Variants in ROBO1 observed in about 807,000 individuals in gnomAD.
The protein encoded by ROBO1 is roundabout homolog 1.
Under a neutral mutation model 195.9 loss-of-function variants are expected in ROBO1, and 149 were observed. That is an observed-to-expected ratio of 0.76 (90% CI 0.67 to 0.87). The LOEUF (loss-of-function observed/expected upper bound fraction) is 0.87, where lower values mean the gene tolerates loss of function less well. Among genes scored for constraint, ROBO1 ranks in the 40% least tolerant of loss-of-function variants. ROBO1 has a pLI of 0.00. For synonymous variants in ROBO1, 816 were observed against 733.2 expected (o/e 1.11, Z -1.82); for missense variants, 1,933 against 2,068.3 (o/e 0.93, Z 1.27).
At chr3:79,595,818 G>C (rs998615723) in intron 1 of ROBO1, among the ~76,000 whole-genome samples, 2 of 151,346 alleles carry the variant, frequency 1.3e-5, no homozygotes, top group Non-Finnish European at 2.9e-5. Flanking sequence ...CTCTGGAAGT[G>C]TTGGGATTAC....
At chr3:78,691,614 T>C (rs933211459) in intron 8 of ROBO1, among the ~76,000 whole-genome samples, 1 of 152,164 alleles carries the variant, frequency 6.6e-6, no homozygotes, top group Non-Finnish European at 1.5e-5. Context: ...GCTGTAGAGT[T>C]ACAGGGTCTG....
chr3:79,481,241 CCTTT>C (rs1338841169), intron 2 of ROBO1, among the ~76,000 whole-genome samples: 1 of 152,076 alleles, frequency 6.6e-6, no homozygotes, highest in Non-Finnish European at 1.5e-5. Flanking sequence ...GAACTCACTT[CCTTT>C]GTTCTGCAAG....
intron 25 of ROBO1, 124 bp from the exon 26 acceptor site, chr3:78,627,693 G>T (rs981508411): frequency 9.4e-7 from 1 of 1,061,138 alleles, no homozygotes; most frequent in South Asian, 1.7e-5. Context: ...ACATTAAGGA[G>T]ATATTATTGA....
intron 2 of ROBO1, among the ~76,000 whole-genome samples, chr3:79,310,826 G>T (rs909399875): frequency 3.9e-5 from 6 of 152,118 alleles, no homozygotes; most frequent in Non-Finnish European, 8.8e-5. Context: ...TGAAACAATA[G>T]TTGTAATGCA....
At chr3:79,151,015 G>T (rs558714987) in intron 2 of ROBO1, among the ~76,000 whole-genome samples, 1 of 151,844 alleles carries the variant, frequency 6.6e-6, no homozygotes, top group African/African-American at 2.4e-5. Flanking sequence ...AATCATGGGG[G>T]TGGTTTCTCC....
chr3:79,314,612 G>A (rs1463422083), intron 2 of ROBO1, among the ~76,000 whole-genome samples: 1 of 152,204 alleles, frequency 6.6e-6, no homozygotes, highest in Non-Finnish European at 1.5e-5. Context: ...TATTAGCAGT[G>A]TGGGAATGGA....
intron 1 of ROBO1, among the ~76,000 whole-genome samples, chr3:79,733,632 C>G (rs950999436): frequency 5.3e-5 from 8 of 152,136 alleles, no homozygotes; most frequent in Non-Finnish European, 1.0e-4. Flanking sequence ...TCCCACCATC[C>G]TCTTCACTTC....
At chr3:78,742,948 C>A (rs1223260513) in intron 5 of ROBO1, among the ~76,000 whole-genome samples, 1 of 151,992 alleles carries the variant, frequency 6.6e-6, no homozygotes, top group Non-Finnish European at 1.5e-5. Context: ...TTGGCATAAG[C>A]AATAAAATGT....
intron 2 of ROBO1, among the ~76,000 whole-genome samples, chr3:79,239,817 T>A (rs2082479150): frequency 6.6e-6 from 1 of 152,216 alleles, no homozygotes; most frequent in African/African-American, 2.4e-5. Context: ...ATATAGAGTA[T>A]ATATCTAATG....
At chr3:78,919,045 A>G (rs2038792046) in intron 4 of ROBO1, among the ~76,000 whole-genome samples, 1 of 152,214 alleles carries the variant, frequency 6.6e-6, no homozygotes, top group Admixed American at 6.5e-5. Flanking sequence ...TCAATGACAT[A>G]TCGACAATAT....
chr3:79,568,882 T>C (rs922034449), intron 2 of ROBO1, among the ~76,000 whole-genome samples: 13 of 152,192 alleles, frequency 8.5e-5, no homozygotes, highest in Non-Finnish European at 1.6e-4. Flanking sequence ...TCTGCTGAAA[T>C]TTCAGGAAAC....
Position 79,124,390 on chromosome 3 carries a change from G to A in ROBO1, c.172+1066C>T, listed in dbSNP as rs555259732. ...TAAAACCTACAATTATGTAGGCAAG[G>A]AACAAAACTGGAGAATGATATTTAT... is the stretch of plus-strand genomic sequence containing the variant. On this transcript the variant is annotated intron_variant, in intron 3 of 30. Coordinates refer to ENST00000464233, the MANE Select transcript of ROBO1 (RefSeq NM_002941.4). Among the ~76,000 whole-genome samples, 3 of 152,186 alleles carry A rather than the reference G, an allele frequency of 2.0e-5. No homozygotes were observed. The South Asian group carries it at 6.2e-4, about 32-fold the overall frequency.
At chr3:79,343,413 TA>T (rs1338119023) in intron 2 of ROBO1, among the ~76,000 whole-genome samples, 1 of 152,172 alleles carries the variant, frequency 6.6e-6, no homozygotes, top group East Asian at 1.9e-4. Flanking sequence ...AACTGTTCTC[TA>T]AAGTGACTGC....
chr3:78,622,957 T>C (rs774486028), intron 26 of ROBO1, among the ~76,000 whole-genome samples: 1 of 152,190 alleles, frequency 6.6e-6, no homozygotes, highest in Non-Finnish European at 1.5e-5. Flanking sequence ...ACTAAAGCCA[T>C]ATGGATTGGA....
chr3:79,335,920 G>A lies in ROBO1; in HGVS notation c.89-210381C>T, dbSNP rs116354563. Among the ~76,000 whole-genome samples the A allele has an allele frequency of 6.7e-3, 1,013 of 152,294 alleles. 1 individual carries two copies. Among genetic ancestry groups the A allele is most frequent in the Non-Finnish European group, 0.011 (736 of 68,024 alleles). On this transcript the variant is annotated intron_variant, in intron 2 of 30. Transcript: ENST00000464233. ...TGAAGTTCAGGCTGAGGTGGTCTCA[G>A]ATGAAGCTGAGGAACTTCTTGGGAA... is the stretch of plus-strand genomic sequence containing the variant.
chr3:78,696,749 C>T (rs1446282534), intron 8 of ROBO1, among the ~76,000 whole-genome samples: 1 of 140,254 alleles, frequency 7.1e-6, no homozygotes, highest in African/African-American at 2.8e-5. Context: ...TATATATATA[C>T]ACATATATAT....
At chr3:78,715,351 G>A (rs563618961) in intron 7 of ROBO1, 8 of 152,098 alleles carry the variant, frequency 5.3e-5, no homozygotes, top group African/African-American at 1.9e-4. Context: ...TATCTAACAA[G>A]TCATCCAATT....
chr3:78,939,066 C>T (rs1284366720), intron 3 of ROBO1, 139 bp from the exon 4 acceptor site: 6 of 731,974 alleles, frequency 8.2e-6, no homozygotes, highest in African/African-American at 1.8e-5. Flanking sequence ...TACTAACAAT[C>T]TTTCTGGTGT....
chr3:78,945,817 T>C (rs1039785822), intron 3 of ROBO1, among the ~76,000 whole-genome samples: 1 of 151,860 alleles, frequency 6.6e-6, no homozygotes, highest in African/African-American at 2.4e-5. Flanking sequence ...TACAGAGAAG[T>C]CCTTAAAGGA....
Sources: gnomAD v4.1 joint callset for allele counts (sites outside exome capture counted in the v4.1 genomes callset) on GRCh38, gnomAD v4.1.1 for gene constraint, MANE v1.5 for transcripts, NCBI Gene and HGNC (gene_info 2026-07-23, HGNC 2026-07-21) for gene names.